The following AFDN variants were observed in gnomAD, a reference collection of about 807,000 sequenced individuals.
The protein encoded by AFDN is afadin, adherens junction formation factor.
Under a neutral mutation model 216.6 loss-of-function variants are expected in AFDN, and 68 were observed. That is an observed-to-expected ratio of 0.31 (90% CI 0.26 to 0.38). The LOEUF is 0.38. Ranked by LOEUF, AFDN falls within the 10% of genes least tolerant of loss-of-function variation. The pLI, the probability that AFDN is intolerant of heterozygous loss-of-function variation, is 1.00. For synonymous variants in AFDN, 868 were observed against 853.7 expected (o/e 1.02, Z -0.29); for missense variants, 2,136 against 2,342.0 (o/e 0.91, Z 1.82).
At chr6:167,877,177 G>A (rs1001790065) in intron 5 of AFDN, among the ~76,000 whole-genome samples, 1 of 152,326 alleles carries the variant, frequency 6.6e-6, no homozygotes, top group East Asian at 1.9e-4. Flanking sequence ...TTTTACTGAG[G>A]AGGGGAGGCA....
At chr6:167,862,619 C>T (rs1783722116) in intron 1 of AFDN, among the ~76,000 whole-genome samples, 1 of 152,204 alleles carries the variant, frequency 6.6e-6, no homozygotes, top group African/African-American at 2.4e-5. Context: ...AGGTGATCCG[C>T]CCACCTCGGC....
At chr6:167,924,899 TC>T (rs773878721) in intron 22 of AFDN, 105 bp from the exon 23 acceptor site, 68 of 824,424 alleles carry the variant, frequency 8.2e-5, no homozygotes, top group Admixed American at 1.9e-4. Context: ...CCTTTTTCTT[TC>T]CCCATTTGCT....
At chr6:167,880,016 G>T (rs1234165538) in intron 5 of AFDN, among the ~76,000 whole-genome samples, 2 of 152,152 alleles carry the variant, frequency 1.3e-5, no homozygotes, top group Non-Finnish European at 2.9e-5. Flanking sequence ...TGAATAAAGA[G>T]CAGCACCATA....
intron 1 of AFDN, among the ~76,000 whole-genome samples, chr6:167,832,945 A>G (rs1045131282): frequency 1.3e-5 from 2 of 152,214 alleles, no homozygotes; most frequent in African/African-American, 4.8e-5. Flanking sequence ...CTGTGAGTAC[A>G]AGTGGGCACT....
chr6:167,922,830 T>A, intron 21 of AFDN, 26 bp from the exon 22 acceptor site: 1 of 1,492,346 alleles, frequency 6.7e-7, no homozygotes, highest in Non-Finnish European at 9.3e-7. Context: ...GCTTTTTCAC[T>A]TACAATTTGC....
chr6:167,928,631 A>G (rs1300468614), intron 23 of AFDN, among the ~76,000 whole-genome samples: 1 of 152,226 alleles, frequency 6.6e-6, no homozygotes, highest in Non-Finnish European at 1.5e-5. Flanking sequence ...GAGCCCTAGG[A>G]GTGCCCGACT....
chr6:167,965,978 C>G lies in AFDN; in HGVS notation c.5190C>G (p.Asp1730Glu). The change falls in exon 32 of 34, where the codon GAC (aspartate) becomes GAG (glutamate). Residue 1730 changes from aspartate (D) to glutamate (E), a missense_variant. Physicochemically the swap from Asp to Glu is conservative, Grantham distance 45. Around this residue, in one of 8 missense-constraint regions of AFDN, gnomAD observed 981 missense variants for 966.0 expected, o/e 1.02. Coordinates refer to ENST00000683244, the MANE Select transcript of AFDN (RefSeq NM_001386888.1). Reference sequence around the variant, plus strand: ...TCAAAACACAGGTCCTCTCCCCCGACTCGCTGTTCACTGCCAAGTTTGTTG... The same window carrying G: ...TCAAAACACAGGTCCTCTCCCCCGAGTCGCTGTTCACTGCCAAGTTTGTTG... The part of the protein sequence containing the change: ...SYLKTQVLSP[D>E]SLFTAKFVAY... The G allele has an allele frequency of 6.4e-7, 1 of 1,551,122 alleles. No individual in the cohort carries two copies. The highest frequency in any genetic ancestry group is 2.4e-5 in the East Asian group (1 of 40,908).
Position 167,924,805 on chromosome 6 carries a change from C to G in AFDN, c.3013-200C>G. The G allele has an allele frequency of 5.0e-6, 3 of 596,188 alleles. No individual in the cohort carries two copies. The South Asian group carries it at 5.3e-5, about 10-fold the overall frequency. The allele number at this position is 596,188 out of a possible 1,614,324, so 36.9% of individuals were successfully genotyped here. ...CTAAATTCATCTTTAAGACTTGAGT[C>G]AAGAATATCGATTTAGTTTACCAGA... is the stretch of plus-strand genomic sequence containing the variant. On this transcript the variant is annotated intron_variant, in intron 22 of 33. Transcript: ENST00000683244.
At chr6:167,921,646 A>G (rs1791823368) in intron 21 of AFDN, among the ~76,000 whole-genome samples, 1 of 152,186 alleles carries the variant, frequency 6.6e-6, no homozygotes, top group Non-Finnish European at 1.5e-5. Context: ...AATATGGTCC[A>G]GAGCTTGTTA....
chr6:167,903,605 T>C (rs1789270323), intron 12 of AFDN, among the ~76,000 whole-genome samples: 1 of 152,236 alleles, frequency 6.6e-6, no homozygotes, highest in Non-Finnish European at 1.5e-5. Context: ...CACAAACTCC[T>C]ATGATCCTGG....
At chr6:167,839,954 C>T (rs1583106378) in intron 1 of AFDN, among the ~76,000 whole-genome samples, 1 of 152,158 alleles carries the variant, frequency 6.6e-6, no homozygotes, top group Non-Finnish European at 1.5e-5. Flanking sequence ...ATTGTGTGTA[C>T]ACACTGTACT....
Position 167,870,438 on chromosome 6 carries a change from C to T in AFDN, c.354C>T (p.Asn118=), listed in dbSNP as rs1784666896. 1 of 1,612,096 alleles carries T rather than the reference C, an allele frequency of 6.2e-7. No homozygotes were observed. Among genetic ancestry groups the T allele is most frequent in the South Asian group, 1.1e-5 (1 of 90,636 alleles). The change falls in exon 3 of 34, where the codon AAC becomes AAT. Residue 118 remains asparagine (N), a synonymous_variant. Transcript: ENST00000683244. ...EKPLVVQLNW[N]KDDREGRFVL... is the part of the protein sequence containing the mutation. ...CTCTAGTTGTACAACTGAATTGGAACAAAGATGATCGGGAAGGCAGATTTG... is the reference window on the plus strand; with the variant it reads ...CTCTAGTTGTACAACTGAATTGGAATAAAGATGATCGGGAAGGCAGATTTG...
intron 6 of AFDN, among the ~76,000 whole-genome samples, chr6:167,886,476 A>G (rs1786823126): frequency 6.6e-6 from 1 of 152,152 alleles, no homozygotes; most frequent in African/African-American, 2.4e-5. Flanking sequence ...AAAATACCTG[A>G]GCTGGAGGGT....
intron 1 of AFDN, among the ~76,000 whole-genome samples, chr6:167,855,570 C>T (rs1782800878): frequency 6.6e-6 from 1 of 151,670 alleles, no homozygotes; most frequent in South Asian, 2.1e-4. Flanking sequence ...ATGAGGATTC[C>T]CCCCTTAGCT....
Position 167,915,293 on chromosome 6 carries a change from T to A in AFDN, c.2425T>A (p.Leu809Met). The change falls in exon 19 of 34, where the codon TTG becomes ATG. Residue 809 changes from leucine to methionine, a missense_variant. Leu to Met is a conservative substitution (Grantham distance 15, BLOSUM62 2). Transcript: ENST00000683244. Reference protein sequence around the residue: ...HFINMWLFNRLVTDPDSGLCS... With the variant: ...HFINMWLFNRMVTDPDSGLCS... The stretch of plus-strand genomic sequence containing the variant: ...CATCAATATGTGGCTGTTCAATAGA[T>A]TGGTGACCGACCCAGATTCGGGGCT... The A allele has an allele frequency of 6.2e-7, 1 of 1,614,248 alleles. No individual in the cohort carries two copies. The highest frequency in any genetic ancestry group is 8.5e-7 in the Non-Finnish European group (1 of 1,180,040).
At chr6:167,907,085 T>C (rs1221619822) in intron 12 of AFDN, 86 bp from the exon 13 acceptor site, 1 of 956,372 alleles carries the variant, frequency 1.0e-6, no homozygotes, top group Non-Finnish European at 1.7e-6. Context: ...GGCAGCCCTG[T>C]ATCAGATCTC....
intron 32 of AFDN, chr6:167,968,523 G>A (rs1797777831): frequency 6.6e-6 from 1 of 152,612 alleles, no homozygotes; most frequent in African/African-American, 2.4e-5. Flanking sequence ...ATTCATTGCT[G>A]TCAGTATTTG....
chr6:167,846,838 C>CG (rs1363943376), intron 1 of AFDN, among the ~76,000 whole-genome samples: 1 of 149,504 alleles, frequency 6.7e-6, no homozygotes, highest in African/African-American at 2.5e-5. Context: ...AATTAAAACT[C>CG]TGAGTTAGTA....
At chr6:167,892,634 G>T (rs1230840299) in intron 8 of AFDN, among the ~76,000 whole-genome samples, 2 of 152,126 alleles carry the variant, frequency 1.3e-5, no homozygotes, top group Non-Finnish European at 2.9e-5. Flanking sequence ...ATTCATTCAC[G>T]CATGCATTTG....
Sources: allele counts gnomAD v4.1 joint callset (sites outside exome capture counted in the v4.1 genomes callset), GRCh38; gene constraint gnomAD v4.1.1; regional missense constraint gnomAD v4.1.1; transcripts MANE v1.5; gene names NCBI Gene and HGNC (gene_info 2026-07-23, HGNC 2026-07-21).